Variants in ZKSCAN1 observed in about 807,000 individuals in gnomAD.
ZKSCAN1 encodes zinc finger with KRAB and SCAN domains 1.
In ZKSCAN1, 14 loss-of-function variants were observed where a neutral mutation model predicts 51.6. That is an observed-to-expected ratio of 0.27 (90% CI 0.18 to 0.42). ZKSCAN1 has a LOEUF of 0.42. Ranked by LOEUF, ZKSCAN1 falls within the 10% of genes least tolerant of loss-of-function variation. The pLI is 1.00. For synonymous variants in ZKSCAN1, 263 were observed against 261.5 expected, an observed-to-expected ratio of 1.01 and a Z score of -0.06; for missense variants, 531 against 710.0, an observed-to-expected ratio of 0.75 and a Z score of 2.86.
chr7:100,024,117 A>G (rs1250897005), intron 2 of ZKSCAN1, 37 bp from the exon 3 acceptor site: 1 of 1,574,732 alleles, frequency 6.4e-7, no homozygotes, highest in African/African-American at 1.4e-5. Flanking sequence ...CCATTTACAA[A>G]GTGATTTACC....
chr7:100,023,365 C>G, intron 1 of ZKSCAN1, 54 bp from the exon 2 acceptor site: 1 of 943,948 alleles, frequency 1.1e-6, no homozygotes, highest in East Asian at 2.5e-5. Flanking sequence ...GTGTTAGCAG[C>G]ACAGATCACT....
rs879720056 is a variant in ZKSCAN1, at chr7:100,037,299, C to T, written c.*3102C>T. 4.0e-5 allele frequency: 39 copies of T among 985,212 alleles called. No homozygotes were observed. Among genetic ancestry groups the T allele is most frequent in the Non-Finnish European group, 4.5e-5 (37 of 829,934 alleles). The allele number at this position is 985,212 out of a possible 1,614,324, so 61.0% of individuals were successfully genotyped here. A position where few individuals can be genotyped will look rare whatever the true frequency, so the allele number is the denominator to read the frequency against. On this transcript the variant is annotated 3_prime_UTR_variant, in exon 6 of 6. Transcript: ENST00000324306. Reference sequence around the variant, plus strand: ...AAGAGTTTTTCAATATATACCCTACCCTTGCCAGGAAGAGAAGTAAAATCC... The same window carrying T: ...AAGAGTTTTTCAATATATACCCTACTCTTGCCAGGAAGAGAAGTAAAATCC...
intron 1 of ZKSCAN1, among the ~76,000 whole-genome samples, chr7:100,018,042 A>G (rs1242549904): frequency 1.3e-5 from 2 of 152,164 alleles, no homozygotes; most frequent in Non-Finnish European, 2.9e-5. Context: ...TTTAATCCTC[A>G]CGGCAACTCT....
chr7:100,041,362 T>TA lies in ZKSCAN1; in HGVS notation c.*7167dup. ...GAATGTGTTCATTTAAAATCCTCCTTAACATTTCTAGAAAGACTTCTTTCA... is the reference window on the plus strand; with the variant it reads ...GAATGTGTTCATTTAAAATCCTCCTTAAACATTTCTAGAAAGACTTCTTTCA... On this transcript the variant is annotated 3_prime_UTR_variant, in exon 6 of 6. Coordinates refer to ENST00000324306, the MANE Select transcript of ZKSCAN1 (RefSeq NM_003439.4). The TA allele has an allele frequency of 1.0e-6, 1 of 985,226 alleles. No homozygotes were observed. Among genetic ancestry groups the TA allele is most frequent in the Non-Finnish European group, 1.2e-6 (1 of 829,744 alleles). 61.0% of individuals were successfully genotyped at this position (985,226 alleles called of 1,614,324 possible).
At position 100,038,341 on chromosome 7, in the gene ZKSCAN1, G is replaced by T. The variant is rs548686039; in HGVS notation, c.*4144G>T. On this transcript the variant is annotated 3_prime_UTR_variant, in exon 6 of 6. Transcript: ENST00000324306. ...AAATCAGTGTGATTGTAGACAAAAA[G>T]TCGGTTCACAGAACGGAGCAGCGGG... The T allele has an allele frequency of 1.0e-6, 1 of 985,466 alleles. No homozygotes were observed. Among genetic ancestry groups the T allele is most frequent in the East Asian group, 1.1e-4 (1 of 8,814 alleles). 61.0% of individuals were successfully genotyped at this position (985,466 alleles called of 1,614,324 possible). A position where few individuals can be genotyped will look rare whatever the true frequency, so the allele number is the denominator to read the frequency against.
In ZKSCAN1 at chr7:100,041,615, G is replaced by C; in HGVS notation, c.*7418G>C. 1 of 985,414 alleles carries C rather than the reference G, an allele frequency of 1.0e-6. No individual in the cohort carries two copies. The allele number at this position is 985,414 out of a possible 1,614,324, so 61.0% of individuals were successfully genotyped here. On this transcript the variant is annotated 3_prime_UTR_variant, in exon 6 of 6. Transcript: ENST00000324306. ...TGAGGTTGAGGAAGGAAATTGTGGG[G>C]ATTTGAAATATTCTCTTTATGTTGT...
Position 100,038,488 on chromosome 7 carries a change from T to A in ZKSCAN1, c.*4291T>A. 3 of 985,440 alleles carry A rather than the reference T, an allele frequency of 3.0e-6. No homozygotes were observed. Among genetic ancestry groups the A allele is most frequent in the Non-Finnish European group, 3.6e-6 (3 of 829,950 alleles). The allele number at this position is 985,440 out of a possible 1,614,324, so 61.0% of individuals were successfully genotyped here. The stretch of plus-strand genomic sequence containing the variant: ...CAACTCCTTTAAACGTGCAGCCTTT[T>A]GAATTTTTCCTCAAAACCAAGAAGT... On this transcript the variant is annotated 3_prime_UTR_variant, in exon 6 of 6. Coordinates refer to ENST00000324306, the MANE Select transcript of ZKSCAN1 (RefSeq NM_003439.4).
Position 100,029,921 on chromosome 7 carries a change from T to A in ZKSCAN1, c.641T>A (p.Met214Lys), listed in dbSNP as rs969224251. 1.2e-6 allele frequency: 2 copies of A among 1,614,062 alleles called. No homozygotes were observed. Among genetic ancestry groups the A allele is most frequent in the Non-Finnish European group, 1.7e-6 (2 of 1,180,030 alleles). The change falls in exon 4 of 6, where the codon ATG becomes AAG. Residue 214 changes from methionine (M) to lysine (K), a missense_variant. Transcript: ENST00000324306. ...PHEGSPRDQA[M>K]ASALFTADSQ... is the part of the protein sequence containing the mutation. ...GAGGGTAGTCCCAGAGACCAGGCGA[T>A]GGCATCTGCACTATTCACAGCGGAT...
At chr7:100,027,342 T>G (rs1340719469) in intron 3 of ZKSCAN1, among the ~76,000 whole-genome samples, 2 of 149,918 alleles carry the variant, frequency 1.3e-5, no homozygotes, top group Non-Finnish European at 3.0e-5. Flanking sequence ...TTAACCAGTG[T>G]GTTTATTGGT....
In ZKSCAN1 at chr7:100,036,608, C is replaced by T; in HGVS notation, c.*2411C>T. 1.4e-6 allele frequency: 1 copy of T among 718,420 alleles called. No individual in the cohort carries two copies. The highest frequency in any genetic ancestry group is 1.7e-6 in the Non-Finnish European group (1 of 586,576). 44.5% of individuals were successfully genotyped at this position (718,420 alleles called of 1,614,324 possible). A position where few individuals can be genotyped will look rare whatever the true frequency, so the allele number is the denominator to read the frequency against. On this transcript the variant is annotated 3_prime_UTR_variant, in exon 6 of 6. Coordinates refer to ENST00000324306, the MANE Select transcript of ZKSCAN1 (RefSeq NM_003439.4). ...TGGTGGGCACCTGTAATCCCAGCTA[C>T]TTGGGAGGCTGAGGCAGGAGAATCA...
chr7:100,036,636 T>G lies in ZKSCAN1; in HGVS notation c.*2439T>G. 1 of 808,006 alleles carries G rather than the reference T, an allele frequency of 1.2e-6. No homozygotes were observed. The highest frequency in any genetic ancestry group is 1.5e-6 in the Non-Finnish European group (1 of 668,950). 50.1% of individuals were successfully genotyped at this position (808,006 alleles called of 1,614,324 possible). A position where few individuals can be genotyped will look rare whatever the true frequency, so the allele number is the denominator to read the frequency against. On this transcript the variant is annotated 3_prime_UTR_variant, in exon 6 of 6. Coordinates refer to ENST00000324306, the MANE Select transcript of ZKSCAN1 (RefSeq NM_003439.4). ...GGGAGGCTGAGGCAGGAGAATCACT[T>G]GAACCCAGGAGGCAGAGGTTGCAGT...
chr7:100,018,668 T>C (rs13243708), intron 1 of ZKSCAN1, among the ~76,000 whole-genome samples: 48,398 of 152,152 alleles, frequency 0.32, 8,939 homozygotes, highest in Middle Eastern at 0.48. Flanking sequence ...ATTACAGGCA[T>C]GAGCCACTGC....
chr7:100,042,274 G>A (rs546401657), downstream of ZKSCAN1, among the ~76,000 whole-genome samples: 5 of 144,018 alleles, frequency 3.5e-5, no homozygotes, highest in South Asian at 2.2e-4. Context: ...AGCCGAGATC[G>A]CACCACTGCA....
chr7:100,033,658 T>A lies in ZKSCAN1; in HGVS notation c.1153T>A (p.Cys385Ser). Residue 385 changes from cysteine to serine, a missense_variant, in exon 6 of 6, where the codon TGC becomes AGC. Cys to Ser is a moderately radical substitution (Grantham distance 112, BLOSUM62 -1). Coordinates refer to ENST00000324306, the MANE Select transcript of ZKSCAN1 (RefSeq NM_003439.4). This position sits in a 1 kb window ranked among gnomAD's most constrained non-coding sequence, Gnocchi z 4.1. ...KSHRCDECGK[C>S]FTRSSSLIRH... ...TCACAGATGTGATGAATGTGGTAAA[T>A]GCTTCACGAGAAGTTCAAGCCTTAT... The A allele has an allele frequency of 1.9e-6, 3 of 1,614,158 alleles. No individual in the cohort carries two copies. Among genetic ancestry groups the A allele is most frequent in the Non-Finnish European group, 2.5e-6 (3 of 1,180,012 alleles).
chr7:100,041,097 A>G lies in ZKSCAN1; in HGVS notation c.*6900A>G, dbSNP rs1277798999. ...GGTCAGCATAAGCCTAAATCTATAT[A>G]GAGGGCTAACTCAGGCATTGTCTTG... On this transcript the variant is annotated 3_prime_UTR_variant, in exon 6 of 6. Coordinates refer to ENST00000324306, the MANE Select transcript of ZKSCAN1 (RefSeq NM_003439.4). 2 of 899,036 alleles carry G rather than the reference A, an allele frequency of 2.2e-6. No homozygotes were observed. The highest frequency in any genetic ancestry group is 2.7e-6 in the Non-Finnish European group (2 of 751,280). The allele number at this position is 899,036 out of a possible 1,614,324, so 55.7% of individuals were successfully genotyped here.
downstream of ZKSCAN1, among the ~76,000 whole-genome samples, chr7:100,043,836 G>C (rs1456389064): frequency 7.7e-6 from 1 of 129,320 alleles, no homozygotes; most frequent in African/African-American, 2.8e-5. Flanking sequence ...AAGCTGGAGG[G>C]CATGATCTCA....
At position 100,038,489 on chromosome 7, in the gene ZKSCAN1, G is replaced by C; in HGVS notation, c.*4292G>C. On this transcript the variant is annotated 3_prime_UTR_variant, in exon 6 of 6. Coordinates refer to ENST00000324306, the MANE Select transcript of ZKSCAN1 (RefSeq NM_003439.4). Reference sequence around the variant, plus strand: ...AACTCCTTTAAACGTGCAGCCTTTTGAATTTTTCCTCAAAACCAAGAAGTT... The same window carrying C: ...AACTCCTTTAAACGTGCAGCCTTTTCAATTTTTCCTCAAAACCAAGAAGTT... 1.0e-6 allele frequency: 1 copy of C among 985,426 alleles called. No individual in the cohort carries two copies. The highest frequency in any genetic ancestry group is 1.2e-6 in the Non-Finnish European group (1 of 829,942). The allele number at this position is 985,426 out of a possible 1,614,324, so 61.0% of individuals were successfully genotyped here. A position where few individuals can be genotyped will look rare whatever the true frequency, so the allele number is the denominator to read the frequency against.
Position 100,039,480 on chromosome 7 carries a change from T to C in ZKSCAN1, c.*5283T>C. The C allele has an allele frequency of 1.0e-6, 1 of 985,432 alleles. No homozygotes were observed. Among genetic ancestry groups the C allele is most frequent in the South Asian group, 4.7e-5 (1 of 21,286 alleles). 61.0% of individuals were successfully genotyped at this position (985,432 alleles called of 1,614,324 possible). On this transcript the variant is annotated 3_prime_UTR_variant, in exon 6 of 6. Coordinates refer to ENST00000324306, the MANE Select transcript of ZKSCAN1 (RefSeq NM_003439.4). ...TATTCCCTTTGGCTGTGTTCCTGTG[T>C]TCCCTGCTCCCACTTTTCTTCCCCT... is the stretch of plus-strand genomic sequence containing the variant.
chr7:100,023,729 A>G lies in ZKSCAN1; in HGVS notation c.223A>G (p.Ser75Gly). Reference protein sequence around the residue: ...QNTFGPREALSRLKELCHQWL... With the variant: ...QNTFGPREALGRLKELCHQWL... Reference sequence around the variant, plus strand: ...CACTTTTGGGCCCCGAGAGGCTCTCAGTCGGCTGAAGGAACTTTGTCATCA... The same window carrying G: ...CACTTTTGGGCCCCGAGAGGCTCTCGGTCGGCTGAAGGAACTTTGTCATCA... The change falls in exon 2 of 6, where the codon AGT (serine) becomes GGT (glycine). Residue 75 changes from serine (S) to glycine (G), a missense_variant. Physicochemically the swap from Ser to Gly is moderately conservative, Grantham distance 56. Around this residue, in one of 2 missense-constraint regions of ZKSCAN1, gnomAD observed 403 missense variants for 490.5 expected, o/e 0.82. Transcript: ENST00000324306. 1.2e-6 allele frequency: 2 copies of G among 1,614,188 alleles called. No homozygotes were observed. The highest frequency in any genetic ancestry group is 8.5e-7 in the Non-Finnish European group (1 of 1,180,024).
Sources: allele counts gnomAD v4.1 joint callset (sites outside exome capture counted in the v4.1 genomes callset), GRCh38; gene constraint gnomAD v4.1.1; regional missense constraint gnomAD v4.1.1; non-coding constraint Gnocchi (gnomAD v3.1); transcripts MANE v1.5; gene names NCBI Gene and HGNC (gene_info 2026-07-23, HGNC 2026-07-21).